Variants in TIAM1 observed in about 807,000 individuals in gnomAD.
TIAM1 encodes rho guanine nucleotide exchange factor TIAM1.
TIAM1 carries 65 observed loss-of-function variants against 163.5 expected under a neutral mutation model. The ratio of observed to expected loss-of-function variants is 0.40; its 90% CI spans 0.33 to 0.49. The LOEUF is 0.49. TIAM1 is among the 20% of genes least tolerant of loss of function. The pLI is 0.77. For synonymous variants in TIAM1, 833 were observed against 810.1 expected, an observed-to-expected ratio of 1.03 and a Z score of -0.48; for missense variants, 1,789 against 2,044.7, an observed-to-expected ratio of 0.87 and a Z score of 2.41.
rs57433074 is a variant in TIAM1 at position 31,491,149 on chromosome 21, AAAGGAAGGG to A, written c.-421-27123_-421-27115del. On this transcript the variant is annotated intron_variant, in intron 1 of 28. Coordinates refer to the TIAM1 transcript ENST00000286827. ...CGTCGAAAGAAAGAAAGAACGAAAGAAAGGAAGGGAAGGAAGGGAAGGAAGGAAGGAGCC... is the reference window on the plus strand; with the variant it reads ...CGTCGAAAGAAAGAAAGAACGAAAGAAAGGAAGGGAAGGAAGGAAGGAGCC... Among the ~76,000 whole-genome samples the A allele has an allele frequency of 6.0e-4, 91 of 151,582 alleles. No homozygotes were observed. In the East Asian group the frequency reaches 0.011, roughly 19 times the overall value.
At chr21:31,403,321 GTATTTT>G (rs2077196386) in intron 2 of TIAM1, among the ~76,000 whole-genome samples, 2 of 151,968 alleles carry the variant, frequency 1.3e-5, no homozygotes, top group African/African-American at 4.8e-5. Flanking sequence ...CTAATTTTTT[GTATTTT>G]TAGTAGAGAC....
chr21:31,538,405 T>G (rs1037617590), intron 1 of TIAM1, among the ~76,000 whole-genome samples: 1 of 152,186 alleles, frequency 6.6e-6, no homozygotes, highest in African/African-American at 2.4e-5. Context: ...TAGCCGGGTG[T>G]CATGGCATGC....
intron 2 of TIAM1, among the ~76,000 whole-genome samples, chr21:31,311,041 T>G (rs879123127): frequency 1.3e-5 from 2 of 152,198 alleles, no homozygotes; most frequent in Admixed American, 1.3e-4. Context: ...TGCATTGGCT[T>G]GGCAGGACTC....
chr21:31,276,340 T>C (rs1233651242), intron 3 of TIAM1, among the ~76,000 whole-genome samples: 5 of 152,370 alleles, frequency 3.3e-5, no homozygotes, highest in Admixed American at 6.5e-5. Context: ...ATTTTGACTG[T>C]GTTTATTTTT....
At chr21:31,165,353 G>A (rs988206189) in intron 15 of TIAM1, among the ~76,000 whole-genome samples, 1 of 152,150 alleles carries the variant, frequency 6.6e-6, no homozygotes, top group Non-Finnish European at 1.5e-5. Context: ...ACCCCTCAAT[G>A]TAATAGTAGT....
At chr21:31,343,399 A>AG (rs1460721270) in intron 1 of TIAM1, among the ~76,000 whole-genome samples, 1 of 152,176 alleles carries the variant, frequency 6.6e-6, no homozygotes, top group Non-Finnish European at 1.5e-5. Context: ...CCCAGCCCCC[A>AG]GCACCACCTT....
intron 1 of TIAM1, among the ~76,000 whole-genome samples, chr21:31,552,034 T>C (rs1239580652): frequency 6.7e-6 from 1 of 150,230 alleles, no homozygotes; most frequent in Non-Finnish European, 1.5e-5. Flanking sequence ...ATATGGAATT[T>C]TTACTCTGCA....
intron 2 of TIAM1, among the ~76,000 whole-genome samples, chr21:31,337,868 G>C (rs1312631201): frequency 6.6e-6 from 1 of 151,938 alleles, no homozygotes; most frequent in Non-Finnish European, 1.5e-5. Context: ...CCTTGAAAAA[G>C]GCATGTAGCC....
intron 2 of TIAM1, among the ~76,000 whole-genome samples, chr21:31,358,206 TC>T (rs2076347376): frequency 2.6e-5 from 4 of 152,168 alleles, no homozygotes. Context: ...ACTGGTCATA[TC>T]AGCCTCTGCA....
chr21:31,168,824 T>C (rs369873686), intron 15 of TIAM1, among the ~76,000 whole-genome samples: 1 of 152,110 alleles, frequency 6.6e-6, no homozygotes, highest in Non-Finnish European at 1.5e-5. Context: ...TACCCAGAGA[T>C]AGAGCTTGGT....
intron 2 of TIAM1, among the ~76,000 whole-genome samples, chr21:31,296,622 G>A (rs186287337): frequency 6.6e-6 from 1 of 152,220 alleles, no homozygotes; most frequent in Non-Finnish European, 1.5e-5. Context: ...TTCTTATCAG[G>A]GGAGTCCAGG....
chr21:31,201,032 T>C (rs891530710), intron 12 of TIAM1, among the ~76,000 whole-genome samples: 1 of 152,180 alleles, frequency 6.6e-6, no homozygotes, highest in Non-Finnish European at 1.5e-5. Context: ...GGCTTAAAAA[T>C]AATGAGTCCA....
At chr21:31,412,154 G>A (rs531055736) in intron 2 of TIAM1, among the ~76,000 whole-genome samples, 8 of 152,148 alleles carry the variant, frequency 5.3e-5, no homozygotes, top group Non-Finnish European at 7.3e-5. Flanking sequence ...GGAACTGGAC[G>A]CCGTTATCTT....
rs181430702 is a variant in TIAM1 at position 31,263,569 on chromosome 21, G to C, written c.963+2441C>G. On this transcript the variant is annotated intron_variant, in intron 4 of 27. Coordinates refer to ENST00000541036, the MANE Select transcript of TIAM1 (RefSeq NM_001353694.2). ...AGAGGGGAGAACTGTCCTTTGCTTT[G>C]CCCATTTTCTGGGGGTAGCCGTAAC... is the stretch of plus-strand genomic sequence containing the variant. 3.3e-5 allele frequency among the ~76,000 whole-genome samples: 5 copies of C among 152,176 alleles called. No homozygotes were observed. The East Asian group carries it at 9.6e-4, about 29-fold the overall frequency.
In TIAM1 at chr21:31,395,695, G is replaced by A. The variant is rs1477061966; in HGVS notation, c.-368-56273C>T. 1.3e-5 allele frequency among the ~76,000 whole-genome samples: 2 copies of A among 152,156 alleles called. No individual in the cohort carries two copies. The highest frequency in any genetic ancestry group is 6.5e-5 in the Admixed American group (1 of 15,268). ...AAATATTGACTAAAACATCTATCTT[G>A]GGGAGGGGGCGCATGCGTTCCCCTG... On this transcript the variant is annotated intron_variant, in intron 2 of 28. Transcript: ENST00000286827. This position sits in a 1 kb window ranked among gnomAD's most constrained non-coding sequence, Gnocchi z 7.5.
intron 13 of TIAM1, among the ~76,000 whole-genome samples, chr21:31,194,576 C>G (rs914089940): frequency 6.6e-6 from 1 of 152,004 alleles, no homozygotes; most frequent in Non-Finnish European, 1.5e-5. Context: ...GCATTATGCC[C>G]GAAAGGCCAG....
At chr21:31,261,852 C>T (rs759762798) in intron 4 of TIAM1, among the ~76,000 whole-genome samples, 86 of 152,184 alleles carry the variant, frequency 5.7e-4, no homozygotes, top group Non-Finnish European at 1.1e-3. Flanking sequence ...TGGCTAGGGA[C>T]GCTCCGAGAG....
intron 2 of TIAM1, among the ~76,000 whole-genome samples, chr21:31,300,911 T>G (rs997072274): frequency 2.6e-5 from 4 of 152,214 alleles, no homozygotes; most frequent in African/African-American, 9.6e-5. Context: ...ATAATCAAAT[T>G]CCAGCTATCT....
At chr21:31,554,711 C>T (rs1042447483) in intron 1 of TIAM1, among the ~76,000 whole-genome samples, 2 of 151,914 alleles carry the variant, frequency 1.3e-5, no homozygotes, top group Non-Finnish European at 2.9e-5. Flanking sequence ...GTAGTACCCC[C>T]ACCCCCTCCA....
Sources: gnomAD v4.1 joint callset for allele counts (sites outside exome capture counted in the v4.1 genomes callset) on GRCh38, gnomAD v4.1.1 for gene constraint, Gnocchi (gnomAD v3.1) non-coding constraint, MANE v1.5 for transcripts, NCBI Gene and HGNC (gene_info 2026-07-23, HGNC 2026-07-21) for gene names.